CHRM3: variants seen among roughly 807,000 people sequenced by gnomAD.
The protein encoded by CHRM3 is muscarinic acetylcholine receptor M3.
A neutral mutation model predicts 41.8 loss-of-function variants in CHRM3; 11 were observed. The ratio of observed to expected loss-of-function variants is 0.26; its 90% CI spans 0.17 to 0.44. The LOEUF (loss-of-function observed/expected upper bound fraction) is 0.44. CHRM3 is among the 20% of genes least tolerant of loss of function. CHRM3 has a pLI of 1.00. For missense variants in CHRM3, 571 were observed against 745.4 expected (o/e 0.77, Z 2.72); for synonymous variants, 297 against 301.4 (o/e 0.99, Z 0.15).
At chr1:239,802,135 G>A (rs1463187242) in intron 5 of CHRM3, among the ~76,000 whole-genome samples, 1 of 151,882 alleles carries the variant, frequency 6.6e-6, no homozygotes, top group Admixed American at 6.5e-5. Context: ...GTGAAACTTT[G>A]TACAAGTTCA....
At chr1:239,790,789 G>A (rs932766746) in intron 5 of CHRM3, among the ~76,000 whole-genome samples, 6 of 152,056 alleles carry the variant, frequency 3.9e-5, no homozygotes, top group Admixed American at 1.3e-4. Context: ...TTAACTTCCT[G>A]GAGCACAAAT....
chr1:239,906,950 A>T (rs1050564552), intron 6 of CHRM3, among the ~76,000 whole-genome samples: 1 of 152,182 alleles, frequency 6.6e-6, no homozygotes, highest in African/African-American at 2.4e-5. Flanking sequence ...TGCTCATTTT[A>T]GTAAGACTTA....
chr1:239,830,196 A>G (rs1672784200), intron 6 of CHRM3, among the ~76,000 whole-genome samples: 1 of 152,188 alleles, frequency 6.6e-6, no homozygotes, highest in Non-Finnish European at 1.5e-5. Context: ...ATATTCATAC[A>G]TCTGTCAAAT....
At chr1:239,612,638 G>A (rs1203702956) in intron 3 of CHRM3, among the ~76,000 whole-genome samples, 1 of 152,144 alleles carries the variant, frequency 6.6e-6, no homozygotes, top group African/African-American at 2.4e-5. Flanking sequence ...GCAGTGAATT[G>A]CTAGTTTTCT....
intron 5 of CHRM3, among the ~76,000 whole-genome samples, chr1:239,742,530 A>G (rs12060884): frequency 0.48 from 72,499 of 151,868 alleles, 17,573 homozygotes; most frequent in Admixed American, 0.54. Context: ...TCCAAGATGG[A>G]GAGAGTGGAG....
intron 3 of CHRM3, among the ~76,000 whole-genome samples, chr1:239,552,506 T>TA (rs368791454): frequency 0.048 from 6,893 of 143,510 alleles, 201 homozygotes; most frequent in East Asian, 0.11. Flanking sequence ...AAATATATAT[T>TA]TTATATATAT....
intron 6 of CHRM3, among the ~76,000 whole-genome samples, chr1:239,874,293 A>ATATATCTATATATCTATATACACAG (rs1676873774): frequency 1.5e-5 from 1 of 67,078 alleles, no homozygotes; most frequent in Non-Finnish European, 2.9e-5. Context: ...CAGTATATAT[A>ATATATCTATATATCTATATACACAG]TATATATATA....
intron 5 of CHRM3, among the ~76,000 whole-genome samples, chr1:239,757,328 A>G (rs1666322115): frequency 1.3e-5 from 2 of 152,130 alleles, no homozygotes; most frequent in South Asian, 2.1e-4. Context: ...CGTATATACA[A>G]CCTATTTTGA....
intron 2 of CHRM3, among the ~76,000 whole-genome samples, chr1:239,544,475 AT>A (rs1659095953): frequency 6.6e-6 from 1 of 152,076 alleles, no homozygotes; most frequent in Non-Finnish European, 1.5e-5. Flanking sequence ...CTAGTGTGTA[AT>A]TTTTGGAATG....
chr1:239,451,732 A>G (rs1304371658), intron 1 of CHRM3, among the ~76,000 whole-genome samples: 1 of 152,218 alleles, frequency 6.6e-6, no homozygotes, highest in Non-Finnish European at 1.5e-5. Context: ...GAAGAAATTT[A>G]TAAACACATT....
chr1:239,443,398 A>G (rs566976670), intron 1 of CHRM3, among the ~76,000 whole-genome samples: 106 of 151,952 alleles, frequency 7.0e-4, no homozygotes, highest in African/African-American at 2.5e-3. Flanking sequence ...CGAATGCAAA[A>G]TTGATATCAA....
chr1:239,806,336 AAC>A (rs112010872), intron 5 of CHRM3, among the ~76,000 whole-genome samples: 33 of 149,490 alleles, frequency 2.2e-4, no homozygotes, highest in East Asian at 7.8e-4. Flanking sequence ...GGAGTTACAC[AAC>A]ACACACACAC....
At chr1:239,405,995 G>A (rs1040753855) in intron 1 of CHRM3, among the ~76,000 whole-genome samples, 2 of 152,092 alleles carry the variant, frequency 1.3e-5, no homozygotes, top group Admixed American at 1.3e-4. Context: ...GGGTTGAAGT[G>A]ATTCTCCTGC....
intron 2 of CHRM3, among the ~76,000 whole-genome samples, chr1:239,513,322 T>G (rs900737650): frequency 3.3e-5 from 5 of 152,186 alleles, no homozygotes; most frequent in Non-Finnish European, 7.3e-5. Flanking sequence ...GCTTTGAATT[T>G]TGGCCATTCT....
At position 239,391,797 on chromosome 1, in the gene CHRM3, C is replaced by T. The variant is rs115228571; in HGVS notation, c.-521+4570C>T. On this transcript the variant is annotated intron_variant, in intron 1 of 6. Transcript: ENST00000676153. Reference sequence around the variant, plus strand: ...AACAATGGTGGCCAAAAATTAAAAACAAAAAACAAAAACCAATTTGATAAA... The same window carrying T: ...AACAATGGTGGCCAAAAATTAAAAATAAAAAACAAAAACCAATTTGATAAA... Among the ~76,000 whole-genome samples, 564 of 152,232 alleles carry T rather than the reference C, an allele frequency of 3.7e-3. 5 individuals are homozygous for T. Among genetic ancestry groups the T allele is most frequent in the African/African-American group, 0.013 (541 of 41,548 alleles).
At chr1:239,649,573 G>A (rs1295648850) in intron 4 of CHRM3, among the ~76,000 whole-genome samples, 1 of 152,154 alleles carries the variant, frequency 6.6e-6, no homozygotes, top group Admixed American at 6.5e-5. Context: ...TAGTGGCTGT[G>A]GAACAATGGA....
Position 239,898,874 on chromosome 1 carries a change from A to T in CHRM3, c.-19-8559A>T, listed in dbSNP as rs998280976. ...TTTTAAATTTACCTATATATTTCAC[A>T]GACTTATAACCCCAGAAAAGTTATT... On this transcript the variant is annotated intron_variant, in intron 6 of 6. Transcript: ENST00000676153. 2.0e-5 allele frequency among the ~76,000 whole-genome samples: 3 copies of T among 152,182 alleles called. No homozygotes were observed. The East Asian group carries it at 5.8e-4, about 29-fold the overall frequency.
At chr1:239,827,770 A>G (rs1015132543) in intron 6 of CHRM3, among the ~76,000 whole-genome samples, 2 of 152,230 alleles carry the variant, frequency 1.3e-5, no homozygotes, top group East Asian at 1.9e-4. Context: ...AAAAAATTCA[A>G]CATAGTTGCC....
chr1:239,624,667 G>A (rs1165457294), intron 3 of CHRM3, among the ~76,000 whole-genome samples: 1 of 141,374 alleles, frequency 7.1e-6, no homozygotes, highest in African/African-American at 2.7e-5. Flanking sequence ...ATCTTGAATT[G>A]ATTTTTGTAT....
Sources: allele counts gnomAD v4.1 joint callset (sites outside exome capture counted in the v4.1 genomes callset), GRCh38; gene constraint gnomAD v4.1.1; transcripts MANE v1.5; gene names NCBI Gene and HGNC (gene_info 2026-07-23, HGNC 2026-07-21).